CAMK1G: variants seen among roughly 807,000 people sequenced by gnomAD.
CAMK1G encodes the protein calcium/calmodulin dependent protein kinase IG.
In CAMK1G, 27 loss-of-function variants were observed where a neutral mutation model predicts 54.8. The observed-to-expected ratio is 0.49, with a 90% CI of 0.36 to 0.68. CAMK1G has a LOEUF of 0.68. Among genes scored for constraint, CAMK1G ranks in the 30% least tolerant of loss-of-function variants. CAMK1G has a pLI of 0.00. For synonymous variants in CAMK1G, 238 were observed against 224.9 expected (o/e 1.06, Z -0.52); for missense variants, 512 against 591.0 (o/e 0.87, Z 1.39).
In CAMK1G at chr1:209,599,670, A is replaced by G. The variant is rs1377313446; in HGVS notation, c.93-313A>G. Among the ~76,000 whole-genome samples, 8 of 152,274 alleles carry G rather than the reference A, an allele frequency of 5.3e-5. No individual in the cohort carries two copies. The South Asian group carries it at 8.3e-4, about 16-fold the overall frequency. ...TGTCTTCCCTACTCCAGTTTTATCA[A>G]TTGACCCTATTATGTGTTTTATAGC... is the stretch of plus-strand genomic sequence containing the variant. On this transcript the variant is annotated intron_variant, in intron 2 of 12. Coordinates refer to ENST00000361322, the MANE Select transcript of CAMK1G (RefSeq NM_020439.3).
intron 4 of CAMK1G, 95 bp from the exon 5 acceptor site, chr1:209,605,441 C>T (rs1392314079): frequency 1.3e-5 from 19 of 1,460,546 alleles, no homozygotes; most frequent in Non-Finnish European, 1.8e-5. Flanking sequence ...GCCTGTTCCA[C>T]TGCAGCTGTG....
At chr1:209,585,423 A>G (rs775421145) in intron 1 of CAMK1G, among the ~76,000 whole-genome samples, 7 of 152,202 alleles carry the variant, frequency 4.6e-5, no homozygotes, top group Non-Finnish European at 8.8e-5. Context: ...TGCCACCAGG[A>G]AAGAGGCAAC....
At chr1:209,611,400 T>A in intron 9 of CAMK1G, 65 bp from the exon 10 acceptor site, 21 of 1,475,496 alleles carry the variant, frequency 1.4e-5, no homozygotes, top group Non-Finnish European at 2.0e-5. Flanking sequence ...GCAGGCACCC[T>A]GCCCACTCCC....
In CAMK1G at chr1:209,611,852, A is replaced by G. The variant is rs745624571; in HGVS notation, c.976A>G (p.Ser326Gly). 32 of 1,614,100 alleles carry G rather than the reference A, an allele frequency of 2.0e-5. No individual in the cohort carries two copies. Among genetic ancestry groups the G allele is most frequent in the Non-Finnish European group, 2.5e-5 (30 of 1,180,048 alleles). Residue 326 changes from serine (S) to glycine (G), a missense_variant, in exon 11 of 13, where the codon AGC becomes GGC. Ser to Gly is a moderately conservative substitution (Grantham distance 56, BLOSUM62 0). Coordinates refer to ENST00000361322, the MANE Select transcript of CAMK1G (RefSeq NM_020439.3). ...GAGGAAGCTACACATGAACCTGCAC[A>G]GCCCGGGCGTCCGCCCAGAGGTGGA... is the stretch of plus-strand genomic sequence containing the variant. ...HMRKLHMNLH[S>G]PGVRPEVENR...
intron 2 of CAMK1G, among the ~76,000 whole-genome samples, chr1:209,596,492 G>A (rs1665385179): frequency 6.6e-6 from 1 of 152,168 alleles, no homozygotes; most frequent in South Asian, 2.1e-4. Context: ...AAACCTGGGA[G>A]AACATCGGAG....
rs766870629 is a variant in CAMK1G at position 209,612,116 on chromosome 1, G to A, written c.1240G>A (p.Gly414Arg). The change falls in exon 11 of 13, where the codon GGG (glycine) becomes AGG (arginine). Residue 414 changes from glycine to arginine, a missense_variant. Gly to Arg is a moderately radical substitution (Grantham distance 125). Around this residue, in one of 3 missense-constraint regions of CAMK1G, gnomAD observed 315 missense variants for 330.5 expected, o/e 0.95. Transcript: ENST00000361322. ...CATGCATCAGGGGTCCCTGGCCGCC[G>A]GGCCCTGTGGCTGCTGCTCCAGCTG... is the stretch of plus-strand genomic sequence containing the variant. ...VPMHQGSLAA[G>R]PCGCCSSCLN... The A allele has an allele frequency of 3.8e-5, 62 of 1,614,052 alleles. No homozygotes were observed. In the East Asian group the frequency reaches 5.3e-4, roughly 14 times the overall value.
intron 6 of CAMK1G, 74 bp downstream of exon 6, chr1:209,606,517 G>A (rs1665653827): frequency 1.3e-6 from 2 of 1,532,904 alleles, no homozygotes; most frequent in African/African-American, 1.4e-5. Flanking sequence ...ATAGAAAGGG[G>A]TGATTCTGAG....
intron 7 of CAMK1G, among the ~76,000 whole-genome samples, chr1:209,608,209 C>G (rs1037150029): frequency 6.4e-4 from 97 of 152,202 alleles, no homozygotes; most frequent in African/African-American, 2.3e-3. Flanking sequence ...CCTCTTGCAC[C>G]CCTGCCCCTT....
At chr1:209,587,224 G>A (rs987440188) in intron 1 of CAMK1G, among the ~76,000 whole-genome samples, 3 of 151,960 alleles carry the variant, frequency 2.0e-5, no homozygotes, top group Non-Finnish European at 2.9e-5. Flanking sequence ...TTCTGACACA[G>A]GCCCAGCCAT....
Position 209,611,951 on chromosome 1 carries a change from C to T in CAMK1G, c.1075C>T (p.Pro359Ser), listed in dbSNP as rs760008213. The T allele has an allele frequency of 2.5e-6, 4 of 1,614,138 alleles. No individual in the cohort carries two copies. Among genetic ancestry groups the T allele is most frequent in the Non-Finnish European group, 3.4e-6 (4 of 1,180,048 alleles). The part of the protein sequence containing the change: ...SSPEITITEA[P>S]VLDHSVALPA... ...CCCTGAGATCACCATCACCGAGGCA[C>T]CTGTCCTGGACCACAGTGTAGCACT... The change falls in exon 11 of 13, where the codon CCT (proline) becomes TCT (serine). Residue 359 changes from proline (P) to serine (S), a missense_variant. This residue lies in a region of CAMK1G where 315 missense variants were observed against 330.5 expected (regional missense o/e 0.95). Coordinates refer to ENST00000361322, the MANE Select transcript of CAMK1G (RefSeq NM_020439.3).
intron 10 of CAMK1G, 63 bp downstream of exon 10, chr1:209,611,615 G>A: frequency 5.2e-6 from 8 of 1,531,488 alleles, no homozygotes; most frequent in South Asian, 1.1e-5. Flanking sequence ...GGGCTGGCAG[G>A]GGCTGACATA....
At chr1:209,608,034 C>CCTGTGTCTGT in intron 7 of CAMK1G, 101 bp downstream of exon 7, 1 of 852,404 alleles carries the variant, frequency 1.2e-6, no homozygotes, top group Non-Finnish European at 1.9e-6. Flanking sequence ...CAAGCACGTG[C>CCTGTGTCTGT]ATGTGCACAA....
chr1:209,611,156 C>A (rs954255843), intron 9 of CAMK1G, among the ~76,000 whole-genome samples: 1 of 152,216 alleles, frequency 6.6e-6, no homozygotes, highest in African/African-American at 2.4e-5. Flanking sequence ...ACAGACAATA[C>A]CTGAATTAAT....
chr1:209,608,002 TC>T, intron 7 of CAMK1G, 69 bp downstream of exon 7: 1 of 1,242,836 alleles, frequency 8.0e-7, no homozygotes, highest in Non-Finnish European at 1.2e-6. Flanking sequence ...TCTCGTTCCC[TC>T]CCCTGTCTCA....
chr1:209,611,019 T>A (rs138266213), intron 9 of CAMK1G, among the ~76,000 whole-genome samples: 144 of 152,266 alleles, frequency 9.5e-4, no homozygotes, highest in African/African-American at 3.3e-3. Context: ...ACTACCCCAG[T>A]GCCCTGTGAT....
At chr1:209,594,349 A>C (rs536479197) in intron 1 of CAMK1G, among the ~76,000 whole-genome samples, 2 of 152,336 alleles carry the variant, frequency 1.3e-5, no homozygotes, top group East Asian at 3.9e-4. Flanking sequence ...GTAGGTGCTA[A>C]ATACATATTG....
At chr1:209,596,658 A>AC (rs1369885263) in intron 2 of CAMK1G, among the ~76,000 whole-genome samples, 36 of 126,942 alleles carry the variant, frequency 2.8e-4, no homozygotes, top group Middle Eastern at 4.1e-3. Flanking sequence ...CATCACACAC[A>AC]CACCACACAC....
At chr1:209,612,326 T>G (rs1021774065) in intron 11 of CAMK1G, 110 bp downstream of exon 11, 2 of 1,189,190 alleles carry the variant, frequency 1.7e-6, no homozygotes, top group African/African-American at 3.1e-5. Context: ...GGCAGCTATA[T>G]AGGGAGGGAT....
chr1:209,586,025 T>A (rs1665092089), intron 1 of CAMK1G, among the ~76,000 whole-genome samples: 1 of 152,218 alleles, frequency 6.6e-6, no homozygotes, highest in Non-Finnish European at 1.5e-5. Flanking sequence ...GTCAAACCCA[T>A]GTCCTTGGAG....
Sources: allele counts gnomAD v4.1 joint callset (sites outside exome capture counted in the v4.1 genomes callset), GRCh38; gene constraint gnomAD v4.1.1; regional missense constraint gnomAD v4.1.1; transcripts MANE v1.5; gene names NCBI Gene and HGNC (gene_info 2026-07-23, HGNC 2026-07-21).